NXPH1: variants seen among roughly 807,000 people sequenced by gnomAD.
NXPH1 encodes neurexophilin 1, also known as neurexophilin-1.
In NXPH1, 5 loss-of-function variants were observed where a neutral mutation model predicts 23.7. The observed-to-expected ratio is 0.21, with a 90% CI of 0.11 to 0.44. The LOEUF is 0.44. Among genes scored for constraint, NXPH1 ranks in the 20% least tolerant of loss-of-function variants. The probability of loss-of-function intolerance (pLI) is 0.99; values close to 1 mark genes in which losing one functional copy is unlikely to be tolerated. For missense variants in NXPH1, 324 were observed against 321.6 expected, an observed-to-expected ratio of 1.01 and a Z score of -0.06; for synonymous variants, 144 against 122.2, an observed-to-expected ratio of 1.18 and a Z score of -1.18.
chr7:8,456,604 A>T (rs1816598802), intron 2 of NXPH1, among the ~76,000 whole-genome samples: 1 of 152,170 alleles, frequency 6.6e-6, no homozygotes, highest in South Asian at 2.1e-4. Context: ...GTGGAAGAGA[A>T]ATTTGACAGG....
At chr7:8,716,037 G>A (rs1346366122) in intron 2 of NXPH1, among the ~76,000 whole-genome samples, 1 of 152,092 alleles carries the variant, frequency 6.6e-6, no homozygotes, top group Non-Finnish European at 1.5e-5. Context: ...TAGGTGCTGA[G>A]CACTAATGTG....
chr7:8,689,102 C>A (rs1821189909), intron 2 of NXPH1, among the ~76,000 whole-genome samples: 1 of 152,028 alleles, frequency 6.6e-6, no homozygotes, highest in Non-Finnish European at 1.5e-5. Flanking sequence ...CGTATTGTGC[C>A]ATTCATTATC....
intron 2 of NXPH1, among the ~76,000 whole-genome samples, chr7:8,520,663 A>T (rs1179949297): frequency 2.1e-5 from 3 of 144,364 alleles, no homozygotes; most frequent in East Asian, 2.1e-4. Context: ...CTGTTTGACC[A>T]TGCCCAAGAA....
chr7:8,519,909 T>G (rs565071371), intron 2 of NXPH1, among the ~76,000 whole-genome samples: 1 of 152,306 alleles, frequency 6.6e-6, no homozygotes, highest in East Asian at 1.9e-4. Flanking sequence ...TCATTTGAAA[T>G]GAGAAAGTTT....
intron 2 of NXPH1, among the ~76,000 whole-genome samples, chr7:8,592,839 T>TG (rs1819129217): frequency 6.6e-6 from 1 of 151,874 alleles, no homozygotes; most frequent in African/African-American, 2.4e-5. Context: ...TTTTTTTTTT[T>TG]TTAAATGTTC....
intron 2 of NXPH1, among the ~76,000 whole-genome samples, chr7:8,729,558 T>C (rs1398266962): frequency 7.9e-6 from 1 of 126,808 alleles, no homozygotes; most frequent in East Asian, 2.2e-4. Flanking sequence ...CTCCTTGGTT[T>C]CAAAGAACAT....
At chr7:8,555,432 A>G (rs1461657105) in intron 2 of NXPH1, among the ~76,000 whole-genome samples, 2 of 151,650 alleles carry the variant, frequency 1.3e-5, no homozygotes, top group Non-Finnish European at 3.0e-5. Flanking sequence ...CACAAAAGAG[A>G]TGACACAGAC....
intron 2 of NXPH1, among the ~76,000 whole-genome samples, chr7:8,600,312 C>G (rs1293960660): frequency 6.6e-6 from 1 of 152,134 alleles, no homozygotes; most frequent in African/African-American, 2.4e-5. Context: ...AAATCCCAAT[C>G]AGGAGATTTT....
intron 2 of NXPH1, among the ~76,000 whole-genome samples, chr7:8,608,223 A>C (rs1819543463): frequency 6.6e-6 from 1 of 152,226 alleles, no homozygotes; most frequent in South Asian, 2.1e-4. Flanking sequence ...ATAATAGATT[A>C]ACTACTTAGC....
At chr7:8,573,721 GT>G (rs1818696257) in intron 2 of NXPH1, among the ~76,000 whole-genome samples, 1 of 152,118 alleles carries the variant, frequency 6.6e-6, no homozygotes. Context: ...CTTTCTTCCA[GT>G]TAATTATAGG....
At chr7:8,480,561 T>C (rs570296354) in intron 2 of NXPH1, among the ~76,000 whole-genome samples, 1 of 152,140 alleles carries the variant, frequency 6.6e-6, no homozygotes, top group Non-Finnish European at 1.5e-5. Context: ...TTTCTAACAC[T>C]TGGTGTCAGG....
intron 2 of NXPH1, among the ~76,000 whole-genome samples, chr7:8,703,258 C>G (rs779349357): frequency 6.6e-6 from 1 of 152,124 alleles, no homozygotes. Context: ...TACCACACCT[C>G]TCATATTTCT....
At chr7:8,457,541 A>AG (rs1053270949) in intron 2 of NXPH1, among the ~76,000 whole-genome samples, 18 of 81,584 alleles carry the variant, frequency 2.2e-4, no homozygotes, top group African/African-American at 2.0e-3. Context: ...CCTAATTCTT[A>AG]GTTTTTTTTT....
At chr7:8,566,052 G>A (rs975490560) in intron 2 of NXPH1, among the ~76,000 whole-genome samples, 2 of 151,726 alleles carry the variant, frequency 1.3e-5, no homozygotes, top group African/African-American at 2.4e-5. Flanking sequence ...TGCCAGATGA[G>A]GACTTTACTG....
intron 2 of NXPH1, among the ~76,000 whole-genome samples, chr7:8,567,459 T>TTGTC (rs1395019945): frequency 6.6e-6 from 1 of 151,914 alleles, no homozygotes; most frequent in African/African-American, 2.4e-5. Context: ...TGATATGCAA[T>TTGTC]CCTTAGAATG....
intron 2 of NXPH1, among the ~76,000 whole-genome samples, chr7:8,602,841 C>CT (rs891623860): frequency 6.0e-5 from 9 of 151,222 alleles, no homozygotes; most frequent in East Asian, 3.9e-4. Context: ...ACCCTTGTGT[C>CT]TTTTTTTTTG....
chr7:8,611,592 G>A (rs972951154), intron 2 of NXPH1, among the ~76,000 whole-genome samples: 1 of 152,132 alleles, frequency 6.6e-6, no homozygotes, highest in African/African-American at 2.4e-5. Flanking sequence ...GTGAATTTGT[G>A]AAGGAAGGCA....
intron 2 of NXPH1, among the ~76,000 whole-genome samples, chr7:8,625,141 TC>T (rs952320043): frequency 6.6e-6 from 1 of 152,178 alleles, no homozygotes; most frequent in South Asian, 2.1e-4. Context: ...ATTATCCTAT[TC>T]TTTTTTTGGC....
chr7:8,616,744 A>G (rs1208752960), intron 2 of NXPH1, among the ~76,000 whole-genome samples: 1 of 151,798 alleles, frequency 6.6e-6, no homozygotes, highest in Non-Finnish European at 1.5e-5. Context: ...CAAAAAAGGT[A>G]GGTAAAGACT....
Sources: allele counts gnomAD v4.1 joint callset (sites outside exome capture counted in the v4.1 genomes callset), GRCh38; gene constraint gnomAD v4.1.1; transcripts MANE v1.5; gene names NCBI Gene and HGNC (gene_info 2026-07-23, HGNC 2026-07-21).